The following SOX5 variants were observed in gnomAD, a reference collection of about 807,000 sequenced individuals.
SOX5 encodes the protein transcription factor SOX-5.
In SOX5, 9 loss-of-function variants were observed where a neutral mutation model predicts 92.0. The observed-to-expected ratio is 0.10, with a 90% CI of 0.06 to 0.17. SOX5 has a LOEUF of 0.17. SOX5 is among the 10% of genes least tolerant of loss of function. The pLI is 1.00. For missense variants in SOX5, 642 were observed against 944.5 expected (o/e 0.68, Z 4.20); for synonymous variants, 344 against 336.3 (o/e 1.02, Z -0.25).
intron 6 of SOX5, among the ~76,000 whole-genome samples, chr12:23,703,113 A>C (rs1277090182): frequency 6.6e-6 from 1 of 152,078 alleles, no homozygotes; most frequent in Non-Finnish European, 1.5e-5. Context: ...CTTGAACTTA[A>C]AGCTATCTTA....
At chr12:24,487,564 T>A (rs1037211210) in intron 1 of SOX5, among the ~76,000 whole-genome samples, 1 of 152,202 alleles carries the variant, frequency 6.6e-6, no homozygotes, top group East Asian at 1.9e-4. Flanking sequence ...ATTATTTGAA[T>A]ATGTTAAATA....
At chr12:24,442,360 G>C (rs1425327127) in intron 1 of SOX5, among the ~76,000 whole-genome samples, 1 of 152,130 alleles carries the variant, frequency 6.6e-6, no homozygotes. Flanking sequence ...TTAGTGGACA[G>C]AACATGCAAA....
intron 3 of SOX5, among the ~76,000 whole-genome samples, chr12:23,834,522 C>G (rs143119032): frequency 2.6e-5 from 4 of 151,984 alleles, no homozygotes; most frequent in Middle Eastern, 3.4e-3. Context: ...CACATTAACA[C>G]CTGGCAGGAG....
chr12:24,038,207 G>A (rs1956222598), intron 4 of SOX5, among the ~76,000 whole-genome samples: 1 of 152,166 alleles, frequency 6.6e-6, no homozygotes, highest in African/African-American at 2.4e-5. Flanking sequence ...ATGTGAATGT[G>A]GAAGTTTCTT....
chr12:23,987,247 T>G lies in SOX5; in HGVS notation c.-1-91223A>C, dbSNP rs553514266. ...AATGAATGATGTCATCAACAGTGAC[T>G]GGGTATCTAGATTGTGCGGTCAGAG... On this transcript the variant is annotated intron_variant, in intron 4 of 4. Coordinates refer to the SOX5 transcript ENST00000446891. Among the ~76,000 whole-genome samples the G allele has an allele frequency of 2.0e-4, 31 of 152,332 alleles. No homozygotes were observed. In the South Asian group the frequency reaches 6.4e-3, roughly 32 times the overall value.
intron 4 of SOX5, among the ~76,000 whole-genome samples, chr12:24,026,937 C>T (rs1954956820): frequency 6.6e-6 from 1 of 151,874 alleles, no homozygotes; most frequent in African/African-American, 2.4e-5. Flanking sequence ...CCAGGAGGAC[C>T]CAGAAAGCTT....
chr12:24,307,447 TGGAA>T (rs1287552608), intron 2 of SOX5, among the ~76,000 whole-genome samples: 1 of 143,120 alleles, frequency 7.0e-6, no homozygotes, highest in African/African-American at 2.6e-5. Context: ...ACTGTATAGC[TGGAA>T]AGGAAGGAAG....
chr12:24,370,108 G>A (rs1956569439), intron 1 of SOX5, among the ~76,000 whole-genome samples: 1 of 152,170 alleles, frequency 6.6e-6, no homozygotes, highest in Non-Finnish European at 1.5e-5. Flanking sequence ...TCACACACAA[G>A]TAAAACTTCT....
intron 1 of SOX5, among the ~76,000 whole-genome samples, chr12:24,529,391 C>G (rs1395233389): frequency 6.6e-6 from 1 of 152,168 alleles, no homozygotes; most frequent in Non-Finnish European, 1.5e-5. Context: ...ATATTAAACA[C>G]AGCTACTGGG....
rs114354034 is a variant in SOX5 at position 24,135,123 on chromosome 12, A to G, written c.-2+78220T>C. Among the ~76,000 whole-genome samples, 802 of 152,282 alleles carry G rather than the reference A, an allele frequency of 5.3e-3. 7 individuals carry two copies. Among genetic ancestry groups the G allele is most frequent in the African/African-American group, 0.018 (756 of 41,578 alleles). ...TGCCATTAAGGACTCCCTCATTTTT[A>G]TTGATGTCACTCTACCCCAGACCTG... On this transcript the variant is annotated intron_variant, in intron 4 of 4. Coordinates refer to the SOX5 transcript ENST00000446891.
intron 7 of SOX5, among the ~76,000 whole-genome samples, chr12:23,649,827 A>C (rs1271546680): frequency 1.3e-5 from 2 of 152,112 alleles, no homozygotes; most frequent in Non-Finnish European, 2.9e-5. Context: ...ACAGCCTAAG[A>C]AAAACAATTT....
intron 4 of SOX5, among the ~76,000 whole-genome samples, chr12:24,064,602 C>T (rs1022421153): frequency 6.6e-6 from 1 of 151,958 alleles, no homozygotes; most frequent in Non-Finnish European, 1.5e-5. Flanking sequence ...AATCCATAAT[C>T]AATTTATGTT....
intron 9 of SOX5, among the ~76,000 whole-genome samples, chr12:23,578,589 G>T: frequency 6.6e-6 from 1 of 151,778 alleles, no homozygotes. Context: ...AATATAATTG[G>T]GACATATCAC....
chr12:23,803,158 T>G (rs2095694894), intron 3 of SOX5, among the ~76,000 whole-genome samples: 1 of 152,224 alleles, frequency 6.6e-6, no homozygotes. Flanking sequence ...CATTAGTATG[T>G]GAATGGTTCA....
At chr12:23,901,553 C>T (rs569284902) in intron 1 of SOX5, among the ~76,000 whole-genome samples, 59 of 152,182 alleles carry the variant, frequency 3.9e-4, no homozygotes, top group Non-Finnish European at 3.5e-4. Flanking sequence ...TCTGCTCAAA[C>T]GTTATTTCCT....
At chr12:23,851,863 A>G (rs987751438) in intron 2 of SOX5, among the ~76,000 whole-genome samples, 2 of 152,092 alleles carry the variant, frequency 1.3e-5, no homozygotes, top group Admixed American at 6.6e-5. Flanking sequence ...ACAACTTAAG[A>G]TTATATATTT....
At chr12:23,987,105 G>A (rs118096658) in intron 4 of SOX5, among the ~76,000 whole-genome samples, 4,763 of 152,244 alleles carry the variant, frequency 0.031, 111 homozygotes, top group Middle Eastern at 0.075. Flanking sequence ...TAAGTGTTAG[G>A]CACTACTCTA....
intron 6 of SOX5, among the ~76,000 whole-genome samples, chr12:23,684,673 C>T (rs1265341572): frequency 3.3e-5 from 5 of 151,950 alleles, no homozygotes; most frequent in Non-Finnish European, 7.4e-5. Context: ...CAAAGAACTG[C>T]AAATTCAAAA....
chr12:24,126,529 A>G (rs1272667774), intron 4 of SOX5, among the ~76,000 whole-genome samples: 1 of 152,192 alleles, frequency 6.6e-6, no homozygotes, highest in African/African-American at 2.4e-5. Flanking sequence ...TACAAAATTT[A>G]ATAAGTTTTC....
Sources: gnomAD v4.1 joint callset for allele counts (sites outside exome capture counted in the v4.1 genomes callset) on GRCh38, gnomAD v4.1.1 for gene constraint, MANE v1.5 for transcripts, NCBI Gene and HGNC (gene_info 2026-07-23, HGNC 2026-07-21) for gene names.